Variants in STK32B observed in about 807,000 individuals in gnomAD.
The protein encoded by STK32B is serine/threonine kinase 32B.
Under a neutral mutation model 52.6 loss-of-function variants are expected in STK32B, and 43 were observed. The ratio of observed to expected loss-of-function variants is 0.82; its 90% CI spans 0.64 to 1.05. The LOEUF is 1.05. Among genes scored for constraint, STK32B ranks in the 50% least tolerant of loss-of-function variants. The probability of loss-of-function intolerance (pLI) is 0.00; values close to 1 mark genes in which losing one functional copy is unlikely to be tolerated. For missense variants in STK32B, 621 were observed against 534.6 expected (o/e 1.16, Z -1.59); for synonymous variants, 238 against 204.3 (o/e 1.17, Z -1.41).
At chr4:5,022,071 G>A in the STK32B span, among the ~76,000 whole-genome samples, 7 of 152,096 alleles carry the variant, frequency 4.6e-5, no homozygotes, top group African/African-American at 1.7e-4. Flanking sequence ...ACACAAGCTT[G>A]CCTGCCGAGC....
intron 1 of STK32B, among the ~76,000 whole-genome samples, chr4:5,100,502 C>G (rs1423246351): frequency 1.0e-5 from 1 of 100,370 alleles, no homozygotes; most frequent in Non-Finnish European, 2.3e-5. Flanking sequence ...TGCTCTTTTT[C>G]TTTTTCTTCT....
intron 1 of STK32B, among the ~76,000 whole-genome samples, chr4:5,113,043 G>T (rs1213878637): frequency 6.6e-6 from 1 of 152,146 alleles, no homozygotes; most frequent in Non-Finnish European, 1.5e-5. Flanking sequence ...GCCTCTGTCA[G>T]CTGGGGTCCT....
intron 11 of STK32B, among the ~76,000 whole-genome samples, chr4:5,475,391 C>G (rs1330258584): frequency 3.5e-5 from 5 of 142,796 alleles, no homozygotes; most frequent in Non-Finnish European, 6.0e-5. Context: ...CACCACTGCA[C>G]TCCAGCCTGG....
chr4:5,447,496 C>T (rs760901288), intron 7 of STK32B, among the ~76,000 whole-genome samples: 7 of 151,932 alleles, frequency 4.6e-5, no homozygotes, highest in African/African-American at 9.7e-5. Context: ...AATAGCTGAG[C>T]GTGGTGGCAC....
chr4:5,411,381 A>G (rs549828454), intron 5 of STK32B, among the ~76,000 whole-genome samples: 4 of 152,220 alleles, frequency 2.6e-5, no homozygotes, highest in Non-Finnish European at 5.9e-5. Flanking sequence ...CCATGGGTTC[A>G]GTTCAACCAG....
At chr4:5,439,850 T>A (rs549781117) in intron 6 of STK32B, among the ~76,000 whole-genome samples, 1,558 of 151,872 alleles carry the variant, frequency 0.01, 21 homozygotes, top group African/African-American at 0.036. Flanking sequence ...GCACCATTTA[T>A]TAAATAGGGA....
chr4:5,317,686 A>G (rs996504775), intron 3 of STK32B, among the ~76,000 whole-genome samples: 1 of 149,970 alleles, frequency 6.7e-6, no homozygotes, highest in Non-Finnish European at 1.5e-5. Context: ...ACAAGGTGCC[A>G]TCTGCAAAGA....
chr4:5,228,773 GC>G (rs1438285332), intron 3 of STK32B, among the ~76,000 whole-genome samples: 1 of 152,150 alleles, frequency 6.6e-6, no homozygotes, highest in Non-Finnish European at 1.5e-5. Context: ...TTTGAGACCA[GC>G]CTGGCCAACA....
At chr4:5,425,997 C>T (rs1478794797) in intron 6 of STK32B, among the ~76,000 whole-genome samples, 1 of 152,134 alleles carries the variant, frequency 6.6e-6, no homozygotes, top group Admixed American at 6.5e-5. Context: ...TTTATCTGTT[C>T]ATCAGTTGAG....
At chr4:5,446,588 A>C in intron 6 of STK32B, 85 bp from the exon 7 acceptor site, 1 of 1,182,160 alleles carries the variant, frequency 8.5e-7, no homozygotes, top group Non-Finnish European at 1.2e-6. Flanking sequence ...AAACAAGCTC[A>C]ATTTCTCTCC....
intron 1 of STK32B, among the ~76,000 whole-genome samples, chr4:5,066,274 T>G (rs1742421267): frequency 6.6e-6 from 1 of 152,178 alleles, no homozygotes; most frequent in Non-Finnish European, 1.5e-5. Context: ...CTGGCTATGT[T>G]GATTTTATCT....
At chr4:5,213,841 A>T (rs1205555340) in intron 3 of STK32B, among the ~76,000 whole-genome samples, 2 of 152,150 alleles carry the variant, frequency 1.3e-5, no homozygotes, top group Non-Finnish European at 2.9e-5. Context: ...CTTTATGGTG[A>T]CTTTTGGTTA....
chr4:5,464,353 G>A (rs1045398602), intron 9 of STK32B, among the ~76,000 whole-genome samples: 1 of 152,186 alleles, frequency 6.6e-6, no homozygotes. Context: ...CCCAGCCAGC[G>A]CCACCACCTC....
At chr4:5,106,816 A>G (rs896215129) in intron 1 of STK32B, among the ~76,000 whole-genome samples, 5 of 152,098 alleles carry the variant, frequency 3.3e-5, no homozygotes, top group Non-Finnish European at 5.9e-5. Flanking sequence ...AGATTTTATT[A>G]TTGCTTCCTT....
chr4:5,159,728 AAT>A (rs59955672), intron 2 of STK32B, among the ~76,000 whole-genome samples: 2,982 of 110,118 alleles, frequency 0.027, 689 homozygotes, highest in African/African-American at 0.16. Context: ...AATGTATATG[AAT>A]ATATATATGA....
In STK32B at chr4:5,314,753, AATAG is replaced by A. The variant is rs796821042; in HGVS notation, c.261-16461_261-16458del. On this transcript the variant is annotated intron_variant, in intron 3 of 11. Transcript: ENST00000282908. ...TTTGAGAAAAAACATCATAGGAGAAAATAGATAGAACCAGTCACATAGCCAACAA... is the reference window on the plus strand; with the variant it reads ...TTTGAGAAAAAACATCATAGGAGAAAATAGAACCAGTCACATAGCCAACAA... Among the ~76,000 whole-genome samples, 110 of 152,308 alleles carry A rather than the reference AATAG, an allele frequency of 7.2e-4. No individual in the cohort carries two copies. In the Middle Eastern group the frequency reaches 0.01, roughly 14 times the overall value.
chr4:5,096,596 G>A lies in STK32B; in HGVS notation c.53-43309G>A, dbSNP rs573162155. On this transcript the variant is annotated intron_variant, in intron 1 of 11. Coordinates refer to ENST00000282908, the MANE Select transcript of STK32B (RefSeq NM_018401.3). Reference sequence around the variant, plus strand: ...TAGATCTTCACTTTGAATTCGAGGTGTGCCTTTGGTCAGCGACAACCTTAG... The same window carrying A: ...TAGATCTTCACTTTGAATTCGAGGTATGCCTTTGGTCAGCGACAACCTTAG... Among the ~76,000 whole-genome samples, 3 of 152,302 alleles carry A rather than the reference G, an allele frequency of 2.0e-5. No individual in the cohort carries two copies. The East Asian group carries it at 5.8e-4, about 29-fold the overall frequency.
chr4:5,036,828 C>T, the STK32B span, among the ~76,000 whole-genome samples: 42 of 151,728 alleles, frequency 2.8e-4, no homozygotes, highest in African/African-American at 6.8e-4. Context: ...CCACCACACC[C>T]GGCTAATTTT....
chr4:5,342,809 T>C (rs1381156628), intron 4 of STK32B, among the ~76,000 whole-genome samples: 1 of 152,222 alleles, frequency 6.6e-6, no homozygotes, highest in Admixed American at 6.5e-5. Flanking sequence ...TAGTAAGTGC[T>C]TTAGAACTAT....
Sources: allele counts gnomAD v4.1 joint callset (sites outside exome capture counted in the v4.1 genomes callset), GRCh38; gene constraint gnomAD v4.1.1; transcripts MANE v1.5; gene names NCBI Gene and HGNC (gene_info 2026-07-23, HGNC 2026-07-21).